Variants in MCMDC2 observed in about 807,000 individuals in gnomAD.
MCMDC2 encodes minichromosome maintenance domain-containing protein 2.
In MCMDC2, 54 loss-of-function variants were observed where a neutral mutation model predicts 75.8. That is an observed-to-expected ratio of 0.71 (90% CI 0.57 to 0.89). MCMDC2 has a LOEUF of 0.89. Among genes scored for constraint, MCMDC2 ranks in the 40% least tolerant of loss-of-function variants. The probability of loss-of-function intolerance (pLI) is 0.00; values close to 1 mark genes in which losing one functional copy is unlikely to be tolerated. For missense variants in MCMDC2, 656 were observed against 780.4 expected (o/e 0.84, Z 1.90); for synonymous variants, 249 against 274.6 (o/e 0.91, Z 0.92).
chr8:66,890,511 C>T (rs1477699426), intron 9 of MCMDC2, among the ~76,000 whole-genome samples: 4 of 151,896 alleles, frequency 2.6e-5, no homozygotes, highest in African/African-American at 9.7e-5. Context: ...AGTTAAGGTC[C>T]AAGTCTCGTA....
intron 9 of MCMDC2, chr8:66,884,302 T>C: frequency 2.7e-6 from 1 of 377,234 alleles, no homozygotes; most frequent in Admixed American, 4.3e-5. Context: ...TGAATAGTCT[T>C]CCCCCTAAGG....
chr8:66,896,105 GC>G, intron 10 of MCMDC2, 64 bp from the exon 11 acceptor site: 1 of 1,407,506 alleles, frequency 7.1e-7, no homozygotes, highest in Non-Finnish European at 9.8e-7. Flanking sequence ...TAATGTGTTA[GC>G]AATTTGTAGA....
chr8:66,888,491 G>A (rs1811948515), intron 9 of MCMDC2, among the ~76,000 whole-genome samples: 1 of 152,118 alleles, frequency 6.6e-6, no homozygotes, highest in Non-Finnish European at 1.5e-5. Flanking sequence ...ATAATATTGA[G>A]TCTTCCAATC....
In MCMDC2 at chr8:66,880,906, C is replaced by T; in HGVS notation, c.767C>T (p.Thr256Ile). 1.9e-6 allele frequency: 3 copies of T among 1,566,822 alleles called. No individual in the cohort carries two copies. Among genetic ancestry groups the T allele is most frequent in the Non-Finnish European group, 2.6e-6 (3 of 1,156,930 alleles). ...GAATATAAAATTATTGGAATTCCAA[C>T]CTGTGTAAAAACCTCACAAACTGCT... ...GNEYKIIGIP[T>I]CVKTSQTAVC... The change falls in exon 8 of 15, where the codon ACC becomes ATC. Residue 256 changes from threonine to isoleucine, a missense_variant. Coordinates refer to ENST00000422365, the MANE Select transcript of MCMDC2 (RefSeq NM_173518.5).
At chr8:66,914,302 A>C (rs1480552959) in intron 14 of MCMDC2, among the ~76,000 whole-genome samples, 1 of 150,856 alleles carries the variant, frequency 6.6e-6, no homozygotes, top group Admixed American at 6.6e-5. Flanking sequence ...AAAAAAAAAA[A>C]AACTAAAGAC....
chr8:66,890,341 C>CAGTT (rs1812043419), intron 9 of MCMDC2, among the ~76,000 whole-genome samples: 1 of 151,914 alleles, frequency 6.6e-6, no homozygotes, highest in Admixed American at 6.6e-5. Flanking sequence ...GTTGGGATTA[C>CAGTT]AGTTGTAAGC....
chr8:66,911,196 A>G (rs957692142), intron 14 of MCMDC2, among the ~76,000 whole-genome samples: 1 of 152,200 alleles, frequency 6.6e-6, no homozygotes, highest in African/African-American at 2.4e-5. Context: ...CATAATCCCT[A>G]CATGTCAAGG....
At chr8:66,908,098 C>T (rs1038122351) in intron 14 of MCMDC2, among the ~76,000 whole-genome samples, 1 of 152,224 alleles carries the variant, frequency 6.6e-6, no homozygotes, top group Admixed American at 6.5e-5. Flanking sequence ...TCAATTTTGG[C>T]TTTTGTTGCA....
intron 10 of MCMDC2, among the ~76,000 whole-genome samples, chr8:66,895,943 C>T (rs770162917): frequency 2.0e-5 from 3 of 152,152 alleles, no homozygotes; most frequent in Admixed American, 6.5e-5. Context: ...ATTCCAGCTA[C>T]GTGCTTTGGA....
chr8:66,886,303 T>G (rs1811836745), intron 9 of MCMDC2, among the ~76,000 whole-genome samples: 1 of 152,096 alleles, frequency 6.6e-6, no homozygotes, highest in African/African-American at 2.4e-5. Flanking sequence ...TAGCTGGGAT[T>G]ACAGGCACAT....
intron 14 of MCMDC2, among the ~76,000 whole-genome samples, chr8:66,906,284 G>T (rs1812900664): frequency 6.6e-6 from 1 of 152,174 alleles, no homozygotes; most frequent in South Asian, 2.1e-4. Flanking sequence ...GGGACTTAAA[G>T]AATGTATTAA....
At chr8:66,924,983 A>G (rs1370876965), downstream of MCMDC2, among the ~76,000 whole-genome samples, 3 of 152,180 alleles carry the variant, frequency 2.0e-5, no homozygotes, top group Non-Finnish European at 4.4e-5. Context: ...CCTAAGGGAT[A>G]ATCACCTTCC....
chr8:66,872,048 A>T (rs992378736), intron 1 of MCMDC2, among the ~76,000 whole-genome samples: 1 of 152,202 alleles, frequency 6.6e-6, no homozygotes, highest in Non-Finnish European at 1.5e-5. Flanking sequence ...CCACCCCAGA[A>T]ACCTAATGTT....
At chr8:66,892,778 C>A (rs1188523807) in intron 10 of MCMDC2, among the ~76,000 whole-genome samples, 1 of 152,128 alleles carries the variant, frequency 6.6e-6, no homozygotes, top group Non-Finnish European at 1.5e-5. Flanking sequence ...CAGGGACCTG[C>A]CCCTATCTGC....
chr8:66,885,735 T>C, intron 9 of MCMDC2, among the ~76,000 whole-genome samples: 1 of 152,184 alleles, frequency 6.6e-6, no homozygotes, highest in African/African-American at 2.4e-5. Context: ...CAATGAGATA[T>C]AGAACATTTC....
chr8:66,901,707 G>A (rs1348695455), intron 13 of MCMDC2: 3 of 866,276 alleles, frequency 3.5e-6, no homozygotes, highest in Non-Finnish European at 4.2e-6. Context: ...CGAGAGGGCA[G>A]ATTGCCTGAG....
At chr8:66,876,232 T>C (rs974711011) in intron 4 of MCMDC2, among the ~76,000 whole-genome samples, 1 of 152,196 alleles carries the variant, frequency 6.6e-6, no homozygotes, top group African/African-American at 2.4e-5. Flanking sequence ...CTGAATTAGC[T>C]GAAATTCTTC....
chr8:66,917,401 A>G (rs1170998557), intron 14 of MCMDC2, among the ~76,000 whole-genome samples: 1 of 152,224 alleles, frequency 6.6e-6, no homozygotes, highest in Non-Finnish European at 1.5e-5. Context: ...CAATTTTTAA[A>G]TTGAAGTAAA....
chr8:66,871,888 G>A (rs1337868442), intron 1 of MCMDC2, among the ~76,000 whole-genome samples: 1 of 147,554 alleles, frequency 6.8e-6, no homozygotes, highest in Admixed American at 6.7e-5. Flanking sequence ...GCAACATAGT[G>A]AGACCCTGTC....
Sources: gnomAD v4.1 joint callset for allele counts (sites outside exome capture counted in the v4.1 genomes callset) on GRCh38, gnomAD v4.1.1 for gene constraint, MANE v1.5 for transcripts, NCBI Gene and HGNC (gene_info 2026-07-23, HGNC 2026-07-21) for gene names.